The following PHIP variants were observed in gnomAD, a reference collection of about 807,000 sequenced individuals.
The protein encoded by PHIP is PHIP subunit of CUL4-Ring ligase complex, also known as PH-interacting protein.
PHIP carries 54 observed loss-of-function variants against 236.8 expected under a neutral mutation model. The observed-to-expected ratio is 0.23, with a 90% CI of 0.18 to 0.29. The LOEUF is 0.29. PHIP is among the 10% of genes least tolerant of loss of function. The probability of loss-of-function intolerance (pLI) is 1.00; values close to 1 mark genes in which losing one functional copy is unlikely to be tolerated. For synonymous variants in PHIP, 756 were observed against 718.9 expected, an observed-to-expected ratio of 1.05 and a Z score of -0.83; for missense variants, 1,370 against 2,190.8, an observed-to-expected ratio of 0.63 and a Z score of 7.48.
chr6:78,945,294 C>A lies in PHIP; in HGVS notation c.4828+6G>T. On this transcript the variant is annotated splice_donor_region_variant and intron_variant, in intron 39 of 39. Transcript: ENST00000275034. ...TGTATCTTGAAAGATACAAGTAATA[C>A]CTTACCTTGCTCAATGACAGCTGAT... 6.3e-7 allele frequency: 1 copy of A among 1,588,152 alleles called. No individual in the cohort carries two copies. The highest frequency in any genetic ancestry group is 8.6e-7 in the Non-Finnish European group (1 of 1,156,398).
chr6:79,050,878 A>T (rs1487805395), intron 6 of PHIP, among the ~76,000 whole-genome samples: 1 of 152,212 alleles, frequency 6.6e-6, no homozygotes, highest in African/African-American at 2.4e-5. Context: ...ATGATATGCT[A>T]TAAAGAAATA....
At chr6:79,060,863 T>C in intron 4 of PHIP, 45 bp from the exon 5 acceptor site, 1 of 1,320,314 alleles carries the variant, frequency 7.6e-7, no homozygotes, top group Non-Finnish European at 1.0e-6. Context: ...TTTATCATTT[T>C]AATTTTCAAA....
chr6:79,077,114 G>A (rs1345815654), intron 4 of PHIP, among the ~76,000 whole-genome samples: 2 of 151,986 alleles, frequency 1.3e-5, no homozygotes, highest in Non-Finnish European at 2.9e-5. Flanking sequence ...TCCCGCCGCC[G>A]CCGACTCTCG....
Position 79,007,127 on chromosome 6 carries a change from C to G in PHIP, c.1525-3269G>C, listed in dbSNP as rs1770329515. On this transcript the variant is annotated intron_variant, in intron 15 of 39. Coordinates refer to ENST00000275034, the MANE Select transcript of PHIP (RefSeq NM_017934.7). ...CTTGTTAGGCATTTAGAGATTTATA[C>G]TAAACTTTAAAGAAATTAAATGATA... Among the ~76,000 whole-genome samples the G allele has an allele frequency of 2.6e-5, 4 of 152,000 alleles. No homozygotes were observed. In the South Asian group the frequency reaches 8.3e-4, roughly 32 times the overall value.
At chr6:78,955,183 A>G (rs1179359531) in intron 34 of PHIP, 49 bp downstream of exon 34, 1 of 1,270,606 alleles carries the variant, frequency 7.9e-7, no homozygotes. Context: ...AGCTCTTAAT[A>G]CATTTTAATT....
At chr6:78,970,951 AT>A in intron 24 of PHIP, 63 bp from the exon 25 acceptor site, 2 of 1,060,022 alleles carry the variant, frequency 1.9e-6, no homozygotes, top group Non-Finnish European at 2.8e-6. Flanking sequence ...TATACAGGGT[AT>A]CAGCTGAAAT....
intron 4 of PHIP, among the ~76,000 whole-genome samples, chr6:79,066,447 G>A (rs1773625734): frequency 6.6e-6 from 1 of 152,114 alleles, no homozygotes; most frequent in Non-Finnish European, 1.5e-5. Flanking sequence ...ACATAAGAGA[G>A]TCAAACCATA....
intron 7 of PHIP, among the ~76,000 whole-genome samples, chr6:79,031,786 T>C (rs560270741): frequency 1.5e-4 from 23 of 152,348 alleles, no homozygotes; most frequent in African/African-American, 4.8e-4. Flanking sequence ...ACCAATTACT[T>C]TTCCTTTCAG....
At chr6:78,997,358 A>T in intron 19 of PHIP, 56 bp downstream of exon 19, 4 of 1,481,554 alleles carry the variant, frequency 2.7e-6, no homozygotes, top group Non-Finnish European at 3.7e-6. Flanking sequence ...GAATGCTGTT[A>T]ACTCCAAAAT....
chr6:79,063,302 G>C (rs78147288), intron 4 of PHIP, among the ~76,000 whole-genome samples: 5,617 of 152,276 alleles, frequency 0.037, 101 homozygotes, highest in Middle Eastern at 0.058. Context: ...AGAAACGACT[G>C]ACTTCCCCAC....
At chr6:79,041,936 A>G (rs1772238474) in intron 7 of PHIP, among the ~76,000 whole-genome samples, 1 of 152,040 alleles carries the variant, frequency 6.6e-6, no homozygotes, top group Non-Finnish European at 1.5e-5. Flanking sequence ...GTCTCAGTTT[A>G]CAAGCAAATT....
intron 7 of PHIP, among the ~76,000 whole-genome samples, chr6:79,033,836 T>C (rs1771788472): frequency 6.6e-6 from 1 of 152,178 alleles, no homozygotes; most frequent in Non-Finnish European, 1.5e-5. Flanking sequence ...CTTTTCTAAC[T>C]TTTGAATTAA....
At chr6:79,077,599 G>A (rs1774240795) in intron 3 of PHIP, 92 bp from the exon 4 acceptor site, 2 of 712,056 alleles carry the variant, frequency 2.8e-6, no homozygotes, top group South Asian at 6.6e-5. Context: ...CGGGGACCCC[G>A]AGCCCCGCGC....
intron 4 of PHIP, among the ~76,000 whole-genome samples, chr6:79,074,934 T>G (rs755284094): frequency 6.6e-6 from 1 of 152,140 alleles, no homozygotes; most frequent in Non-Finnish European, 1.5e-5. Context: ...CAATGCGATG[T>G]GATATATGAG....
Position 78,980,330 on chromosome 6 carries a change from A to C in PHIP, c.2770-1619T>G, listed in dbSNP as rs148166974. 6.2e-4 allele frequency among the ~76,000 whole-genome samples: 95 copies of C among 152,160 alleles called. 1 individual carries two copies. The South Asian group carries it at 8.1e-3, about 13-fold the overall frequency. On this transcript the variant is annotated intron_variant, in intron 23 of 39. Transcript: ENST00000275034. ...GAAACAGGAAGACACATGAGATGCT[A>C]CCACAGTAATATAAATGAGAGTTCA... is the stretch of plus-strand genomic sequence containing the variant.
chr6:79,057,558 A>C (rs577777907), intron 6 of PHIP, among the ~76,000 whole-genome samples: 7 of 152,252 alleles, frequency 4.6e-5, no homozygotes, highest in African/African-American at 1.7e-4. Flanking sequence ...TCAAAATTTT[A>C]ATATTTGGGA....
At chr6:78,980,231 A>G (rs780532057) in intron 23 of PHIP, among the ~76,000 whole-genome samples, 6 of 148,668 alleles carry the variant, frequency 4.0e-5, no homozygotes, top group Non-Finnish European at 9.0e-5. Context: ...CTATTATGGC[A>G]GAGTAGCTGG....
intron 6 of PHIP, among the ~76,000 whole-genome samples, chr6:79,054,651 T>G (rs1433893032): frequency 1.3e-5 from 2 of 151,140 alleles, no homozygotes; most frequent in African/African-American, 4.8e-5. Context: ...TTATGTAATC[T>G]CATATATTTG....
chr6:78,961,961 TAA>T (rs1766810331), intron 30 of PHIP, 151 bp from the exon 31 acceptor site: 1 of 609,018 alleles, frequency 1.6e-6, no homozygotes, highest in Non-Finnish European at 2.8e-6. Flanking sequence ...GTAGCTGACA[TAA>T]AGAGTCTCAC....
Sources: allele counts gnomAD v4.1 joint callset (sites outside exome capture counted in the v4.1 genomes callset), GRCh38; gene constraint gnomAD v4.1.1; transcripts MANE v1.5; gene names NCBI Gene and HGNC (gene_info 2026-07-23, HGNC 2026-07-21).